Variants in MCTP1 observed in about 807,000 individuals in gnomAD.
MCTP1 encodes multiple C2 and transmembrane domain containing 1.
In MCTP1, 69 loss-of-function variants were observed where a neutral mutation model predicts 120.6. The ratio of observed to expected loss-of-function variants is 0.57; its 90% CI spans 0.47 to 0.70. The LOEUF is 0.70. Ranked by LOEUF, MCTP1 falls within the 30% of genes least tolerant of loss-of-function variation. The pLI, the probability that MCTP1 is intolerant of heterozygous loss-of-function variation, is 0.00. For missense variants in MCTP1, 1,203 were observed against 1,248.8 expected (o/e 0.96, Z 0.55); for synonymous variants, 529 against 493.1 (o/e 1.07, Z -0.96).
intron 1 of MCTP1, among the ~76,000 whole-genome samples, chr5:95,282,581 G>A (rs987534743): frequency 6.6e-6 from 1 of 152,004 alleles, no homozygotes. Context: ...CAAAAACAGG[G>A]GCTCTATCCA....
intron 2 of MCTP1, among the ~76,000 whole-genome samples, chr5:95,009,163 T>G (rs553338498): frequency 6.6e-6 from 1 of 151,894 alleles, no homozygotes; most frequent in African/African-American, 2.4e-5. Flanking sequence ...AGTCCTGGTT[T>G]GAGATAATAA....
chr5:95,213,547 C>A (rs1156775913), intron 1 of MCTP1, among the ~76,000 whole-genome samples: 2 of 151,910 alleles, frequency 1.3e-5, no homozygotes, highest in Non-Finnish European at 2.9e-5. Flanking sequence ...AAAGAGCCTG[C>A]ATCGCCAAGT....
At chr5:94,744,978 A>G (rs949847680) in intron 19 of MCTP1, among the ~76,000 whole-genome samples, 4 of 152,252 alleles carry the variant, frequency 2.6e-5, no homozygotes, top group African/African-American at 9.6e-5. Flanking sequence ...GCCTTAACAC[A>G]GCATTTCTTG....
chr5:95,284,115 T>C lies in MCTP1; in HGVS notation c.461A>G (p.Asp154Gly), dbSNP rs1301275184. ...GGTPPGGRSPDSAPSSSSASS... is the reference protein window; with the variant it reads ...GGTPPGGRSPGSAPSSSSASS... ...GGCGGAGGAAGAGGAAGGAGCTGAG[T>C]CGGGGGAGCGTCCGCCAGGAGGCGT... is the stretch of plus-strand genomic sequence containing the variant. Residue 154 changes from aspartate (D) to glycine (G), a missense_variant, in exon 1 of 23, where the codon GAC becomes GGC. Coordinates refer to ENST00000515393, the MANE Select transcript of MCTP1 (RefSeq NM_024717.7). This position sits in a 1 kb window ranked among gnomAD's most constrained non-coding sequence, Gnocchi z 5.2. 1.4e-5 allele frequency: 21 copies of C among 1,550,184 alleles called. No homozygotes were observed. Among genetic ancestry groups the C allele is most frequent in the Non-Finnish European group, 1.4e-5 (16 of 1,146,980 alleles).
chr5:94,769,007 G>A (rs1305699398), intron 19 of MCTP1, among the ~76,000 whole-genome samples: 2 of 152,084 alleles, frequency 1.3e-5, no homozygotes, highest in African/African-American at 4.8e-5. Context: ...ACATTTTAAT[G>A]AATAAAGCAA....
intron 1 of MCTP1, among the ~76,000 whole-genome samples, chr5:95,165,550 A>T (rs911867019): frequency 7.9e-5 from 12 of 152,224 alleles, no homozygotes; most frequent in African/African-American, 2.9e-4. Flanking sequence ...AATGTCTTGC[A>T]TTAATAAAAT....
intron 17 of MCTP1, among the ~76,000 whole-genome samples, chr5:94,814,756 G>GAAAA (rs559901933): frequency 6.8e-6 from 1 of 147,946 alleles, no homozygotes. Context: ...CATGCAGAAA[G>GAAAA]AAAAAAAAAA....
At chr5:94,986,532 CAG>C (rs956017070) in intron 2 of MCTP1, among the ~76,000 whole-genome samples, 5 of 152,134 alleles carry the variant, frequency 3.3e-5, no homozygotes, top group Admixed American at 3.3e-4. Context: ...TGCTTTGAGA[CAG>C]AGTCTCACTC....
chr5:94,739,077 T>C (rs1220869086), intron 19 of MCTP1: 1 of 152,252 alleles, frequency 6.6e-6, no homozygotes, highest in Non-Finnish European at 1.5e-5. Flanking sequence ...GAGCAGTTCT[T>C]TGATTACCTT....
chr5:95,246,733 G>A (rs1438313830), intron 1 of MCTP1, among the ~76,000 whole-genome samples: 1 of 152,190 alleles, frequency 6.6e-6, no homozygotes. Context: ...ACACCCCACT[G>A]TCAATATTAG....
chr5:95,033,822 T>G (rs948679165), intron 1 of MCTP1, among the ~76,000 whole-genome samples: 1 of 152,050 alleles, frequency 6.6e-6, no homozygotes, highest in African/African-American at 2.4e-5. Context: ...TAGAAAGCCC[T>G]AAAGATTCTG....
At chr5:95,238,707 C>G (rs920863139) in intron 1 of MCTP1, among the ~76,000 whole-genome samples, 21 of 152,068 alleles carry the variant, frequency 1.4e-4, no homozygotes, top group Non-Finnish European at 1.3e-4. Context: ...TGATACCAAG[C>G]CTCATATTCT....
At chr5:95,122,379 C>T (rs1758308268) in intron 1 of MCTP1, among the ~76,000 whole-genome samples, 1 of 152,074 alleles carries the variant, frequency 6.6e-6, no homozygotes, top group Admixed American at 6.5e-5. Context: ...ATAAAGACTG[C>T]AAACAGGTAT....
At chr5:94,761,915 T>C (rs552253156) in intron 19 of MCTP1, among the ~76,000 whole-genome samples, 1 of 152,264 alleles carries the variant, frequency 6.6e-6, no homozygotes, top group East Asian at 1.9e-4. Flanking sequence ...CTTTAGGATT[T>C]TCCCTTTTCA....
chr5:95,156,928 C>T (rs1430474120), intron 1 of MCTP1, among the ~76,000 whole-genome samples: 2 of 152,126 alleles, frequency 1.3e-5, no homozygotes, highest in African/African-American at 4.8e-5. Flanking sequence ...CATATTTTCT[C>T]ATGCATTCAT....
intron 1 of MCTP1, among the ~76,000 whole-genome samples, chr5:95,071,622 T>TG (rs1285290094): frequency 1.3e-5 from 2 of 152,206 alleles, no homozygotes; most frequent in African/African-American, 4.8e-5. Context: ...CCATAGTTTC[T>TG]GGGGGCACAA....
chr5:95,124,229 C>G (rs1758454202), intron 1 of MCTP1, among the ~76,000 whole-genome samples: 1 of 152,178 alleles, frequency 6.6e-6, no homozygotes, highest in Non-Finnish European at 1.5e-5. Flanking sequence ...GAGTTTTTCT[C>G]CAACTGCCTC....
intron 2 of MCTP1, among the ~76,000 whole-genome samples, chr5:94,955,872 T>C (rs921103042): frequency 6.6e-6 from 1 of 152,210 alleles, no homozygotes; most frequent in African/African-American, 2.4e-5. Context: ...GCCTGCCAGC[T>C]CTGAAGAGAG....
chr5:94,984,745 T>C (rs1830150687), intron 2 of MCTP1, among the ~76,000 whole-genome samples: 1 of 152,192 alleles, frequency 6.6e-6, no homozygotes, highest in Non-Finnish European at 1.5e-5. Flanking sequence ...AAATACATTG[T>C]CATGATATGC....
Sources: gnomAD v4.1 joint callset for allele counts (sites outside exome capture counted in the v4.1 genomes callset) on GRCh38, gnomAD v4.1.1 for gene constraint, Gnocchi (gnomAD v3.1) non-coding constraint, MANE v1.5 for transcripts, NCBI Gene and HGNC (gene_info 2026-07-23, HGNC 2026-07-21) for gene names.